Variants in CNTNAP2 observed in about 807,000 individuals in gnomAD.
CNTNAP2 encodes the protein contactin associated protein 2.
Under a neutral mutation model 155.2 loss-of-function variants are expected in CNTNAP2, and 98 were observed. The ratio of observed to expected loss-of-function variants is 0.63; its 90% CI spans 0.54 to 0.75. CNTNAP2 has a LOEUF of 0.75. Ranked by LOEUF, CNTNAP2 falls within the 30% of genes least tolerant of loss-of-function variation. The pLI is 0.00. For missense variants in CNTNAP2, 1,727 were observed against 1,688.1 expected, an observed-to-expected ratio of 1.02 and a Z score of -0.40; for synonymous variants, 651 against 631.2, an observed-to-expected ratio of 1.03 and a Z score of -0.47.
At chr7:148,300,138 T>C (rs1273554535) in intron 21 of CNTNAP2, among the ~76,000 whole-genome samples, 1 of 152,210 alleles carries the variant, frequency 6.6e-6, no homozygotes, top group African/African-American at 2.4e-5. Context: ...AATTGTTCTC[T>C]TTCTCTAACC....
At chr7:147,711,337 G>A (rs1403161171) in intron 13 of CNTNAP2, among the ~76,000 whole-genome samples, 2 of 152,126 alleles carry the variant, frequency 1.3e-5, no homozygotes, top group Non-Finnish European at 2.9e-5. Context: ...CATAAGCTAA[G>A]ACCATAGAAG....
At chr7:148,241,774 C>T (rs958010862) in intron 20 of CNTNAP2, among the ~76,000 whole-genome samples, 4 of 152,238 alleles carry the variant, frequency 2.6e-5, no homozygotes, top group African/African-American at 4.8e-5. Flanking sequence ...GAAAAAGACT[C>T]ATAATGAATA....
At chr7:148,022,005 C>T (rs918904618) in intron 15 of CNTNAP2, among the ~76,000 whole-genome samples, 3 of 152,096 alleles carry the variant, frequency 2.0e-5, no homozygotes, top group Non-Finnish European at 4.4e-5. Flanking sequence ...GGCCACTCGA[C>T]GATGGTTTTG....
At chr7:148,203,838 C>G (rs1795404921) in intron 18 of CNTNAP2, among the ~76,000 whole-genome samples, 1 of 152,286 alleles carries the variant, frequency 6.6e-6, no homozygotes, top group South Asian at 2.1e-4. Context: ...CATTGCCAAA[C>G]TAGAAAGAAG....
At chr7:147,075,729 C>T (rs1205050808) in intron 4 of CNTNAP2, among the ~76,000 whole-genome samples, 2 of 151,726 alleles carry the variant, frequency 1.3e-5, no homozygotes, top group Non-Finnish European at 2.9e-5. Flanking sequence ...TGTGCTACAC[C>T]CATTAACTGG....
intron 21 of CNTNAP2, among the ~76,000 whole-genome samples, chr7:148,359,171 G>T (rs1798574512): frequency 1.3e-5 from 2 of 152,174 alleles, no homozygotes; most frequent in African/African-American, 4.8e-5. Context: ...AGGAACCATA[G>T]ACCTTACCAT....
At chr7:147,478,850 C>T (rs1798368668) in intron 10 of CNTNAP2, among the ~76,000 whole-genome samples, 1 of 152,204 alleles carries the variant, frequency 6.6e-6, no homozygotes, top group Admixed American at 6.5e-5. Context: ...GTAAATTTTG[C>T]ATAACAATGT....
chr7:148,072,666 C>T (rs973043999), intron 15 of CNTNAP2, among the ~76,000 whole-genome samples: 1 of 152,166 alleles, frequency 6.6e-6, no homozygotes, highest in Non-Finnish European at 1.5e-5. Flanking sequence ...TGACCCTCAG[C>T]ACTAGTAATA....
At chr7:147,772,542 A>G (rs1413042048) in intron 13 of CNTNAP2, among the ~76,000 whole-genome samples, 1 of 143,450 alleles carries the variant, frequency 7.0e-6, no homozygotes, top group Admixed American at 7.2e-5. Flanking sequence ...CTTGTTTCTC[A>G]ACTCACAGAG....
At chr7:147,032,573 C>T (rs1370982200) in intron 3 of CNTNAP2, among the ~76,000 whole-genome samples, 1 of 152,088 alleles carries the variant, frequency 6.6e-6, no homozygotes, top group Non-Finnish European at 1.5e-5. Context: ...CTCCTCTGTC[C>T]TTTTCTTTCT....
intron 16 of CNTNAP2, among the ~76,000 whole-genome samples, chr7:148,140,777 G>A (rs1048945253): frequency 6.6e-6 from 1 of 152,188 alleles, no homozygotes; most frequent in African/African-American, 2.4e-5. Flanking sequence ...CACAATGTTA[G>A]ACTATCTGGA....
intron 1 of CNTNAP2, among the ~76,000 whole-genome samples, chr7:146,135,268 T>C: frequency 6.6e-6 from 1 of 152,022 alleles, no homozygotes; most frequent in East Asian, 1.9e-4. Context: ...TGGGTATAAA[T>C]AGAAGGTATA....
chr7:146,706,413 C>G (rs2129174303), intron 1 of CNTNAP2, among the ~76,000 whole-genome samples: 1 of 152,106 alleles, frequency 6.6e-6, no homozygotes, highest in East Asian at 1.9e-4. Context: ...GAAAGAGATT[C>G]ATGGAGATCT....
chr7:148,413,439 T>C (rs1799899350), intron 23 of CNTNAP2, among the ~76,000 whole-genome samples: 1 of 111,874 alleles, frequency 8.9e-6, no homozygotes, highest in African/African-American at 3.5e-5. Context: ...TATATATATA[T>C]ATATATATTG....
chr7:146,989,530 A>C (rs1424402179), intron 3 of CNTNAP2, among the ~76,000 whole-genome samples: 1 of 129,924 alleles, frequency 7.7e-6, no homozygotes, highest in Non-Finnish European at 1.6e-5. Context: ...CCTTTAACAC[A>C]AACAAACAAA....
intron 1 of CNTNAP2, among the ~76,000 whole-genome samples, chr7:146,605,050 T>C (rs1260518820): frequency 7.7e-5 from 11 of 143,516 alleles, no homozygotes; most frequent in Admixed American, 7.6e-4. Flanking sequence ...AATGTGCACA[T>C]GTACCCTAAA....
chr7:147,826,518 G>A (rs1798452224), intron 13 of CNTNAP2, among the ~76,000 whole-genome samples: 1 of 152,134 alleles, frequency 6.6e-6, no homozygotes, highest in Non-Finnish European at 1.5e-5. Context: ...AGAATGGAAA[G>A]TAAAAAGCCA....
At chr7:147,346,205 A>G (rs1795858624) in intron 9 of CNTNAP2, among the ~76,000 whole-genome samples, 1 of 146,198 alleles carries the variant, frequency 6.8e-6, no homozygotes, top group Non-Finnish European at 1.5e-5. Context: ...CGGACTGCGG[A>G]CTGCAGTGGC....
chr7:147,842,586 T>C (rs1481168610), intron 13 of CNTNAP2, among the ~76,000 whole-genome samples: 37 of 82,606 alleles, frequency 4.5e-4, no homozygotes, highest in Admixed American at 2.0e-3. Context: ...TTTTTACTTT[T>C]CTTTTTTTTT....
Sources: allele counts gnomAD v4.1 joint callset (sites outside exome capture counted in the v4.1 genomes callset), GRCh38; gene constraint gnomAD v4.1.1; transcripts MANE v1.5; gene names NCBI Gene and HGNC (gene_info 2026-07-23, HGNC 2026-07-21).